FANCA: variants seen among roughly 807,000 people sequenced by gnomAD.
FANCA encodes FA complementation group A.
A neutral mutation model predicts 194.3 loss-of-function variants in FANCA; 236 were observed. That is an observed-to-expected ratio of 1.21 (90% CI 1.09 to 1.35). The LOEUF (loss-of-function observed/expected upper bound fraction) is 1.35, where lower values mean the gene tolerates loss of function less well. Ranked by LOEUF, FANCA falls within the 40% of genes most tolerant of loss-of-function variation. FANCA has a pLI of 0.00. For missense variants in FANCA, 2,628 were observed against 1,813.9 expected, an observed-to-expected ratio of 1.45 and a Z score of -8.15; for synonymous variants, 1,014 against 715.8, an observed-to-expected ratio of 1.42 and a Z score of -6.65.
intron 26 of FANCA, 97 bp from the exon 27 acceptor site, chr16:89,767,334 T>C (rs1336980872): frequency 6.9e-6 from 6 of 868,468 alleles, no homozygotes; most frequent in Non-Finnish European, 9.4e-6. Context: ...ATTTAGTGCA[T>C]TCCGAACTGG....
At chr16:89,752,117 T>C (rs778934346) in intron 31 of FANCA, 21 bp downstream of exon 31, 6 of 1,607,130 alleles carry the variant, frequency 3.7e-6, no homozygotes, top group Middle Eastern at 1.6e-4. Flanking sequence ...ATGCACTGAG[T>C]TGTGGCACCC....
At chr16:89,762,637 C>A in intron 28 of FANCA, 1 of 280,068 alleles carries the variant, frequency 3.6e-6, no homozygotes. Flanking sequence ...CAGTAGCATA[C>A]CTTCATTTAT....
At chr16:89,739,454 G>C (rs2062066444) in intron 40 of FANCA, 24 bp downstream of exon 40, 1 of 1,552,126 alleles carries the variant, frequency 6.4e-7, no homozygotes, top group Non-Finnish European at 8.7e-7. Flanking sequence ...GCCCAGCCCT[G>C]ACCAGCCCTG....
At chr16:89,761,875 T>C in intron 29 of FANCA, 74 bp downstream of exon 29, 1 of 1,214,820 alleles carries the variant, frequency 8.2e-7, no homozygotes, top group Non-Finnish European at 1.2e-6. Flanking sequence ...ATCTCCTGCC[T>C]CAGCCTCCCA....
chr16:89,756,922 C>A (rs1009609617), intron 30 of FANCA, among the ~76,000 whole-genome samples: 1 of 152,176 alleles, frequency 6.6e-6, no homozygotes, highest in South Asian at 2.1e-4. Context: ...TTGAAGTCAA[C>A]CCCTCAGGGA....
In FANCA at chr16:89,758,668, G is replaced by A; in HGVS notation, c.2890C>T (p.Leu964Phe). 2 of 1,614,082 alleles carry A rather than the reference G, an allele frequency of 1.2e-6. No individual in the cohort carries two copies. The highest frequency in any genetic ancestry group is 2.2e-5 in the East Asian group (1 of 44,880). ...FHQWAIHEHF[L>F]PESSASGGCD... ...CCCCCTGAAGCCGAGGACTCAGGGAGAAAGTGCTCATGGATCGCCCACTGG... is the reference window on the plus strand; with the variant it reads ...CCCCCTGAAGCCGAGGACTCAGGGAAAAAGTGCTCATGGATCGCCCACTGG... Residue 964 changes from leucine (L) to phenylalanine (F), a missense_variant, in exon 30 of 43, where the codon CTC becomes TTC. Physicochemically the swap from Leu to Phe is conservative, Grantham distance 22. Coordinates refer to ENST00000389301, the MANE Select transcript of FANCA (RefSeq NM_000135.4).
rs71137677 is a variant in FANCA, at chr16:89,812,646, C to CAAA, written c.284-1578_284-1576dup. On this transcript the variant is annotated intron_variant, in intron 3 of 42. Transcript: ENST00000389301. ...GGGTAACAAGAGCAATACTCCGTCT[C>CAAA]AAAAAAAAAAAAAAAAAAAAAAAAC... Among the ~76,000 whole-genome samples the CAAA allele has an allele frequency of 1.1e-3, 45 of 42,272 alleles. 2 individuals carry two copies. The highest frequency in any genetic ancestry group is 4.3e-3 in the East Asian group (6 of 1,406). The allele number at this position is 42,272 out of a possible 152,430, so 27.7% of individuals were successfully genotyped here. A position where few individuals can be genotyped will look rare whatever the true frequency, so the allele number is the denominator to read the frequency against.
At chr16:89,794,262 G>A (rs997894022) in intron 11 of FANCA, among the ~76,000 whole-genome samples, 1 of 151,778 alleles carries the variant, frequency 6.6e-6, no homozygotes, top group Non-Finnish European at 1.5e-5. Flanking sequence ...CTTTTAAACT[G>A]TCAGTAAGGT....
At chr16:89,740,122 C>T (rs754954329) in intron 38 of FANCA, 23 bp from the exon 39 acceptor site, 1 of 1,605,194 alleles carries the variant, frequency 6.2e-7, no homozygotes, top group South Asian at 1.1e-5. Flanking sequence ...GGAGACCAAC[C>T]CTGAGAATGG....
At chr16:89,801,275 C>T (rs1460343455) in intron 8 of FANCA, among the ~76,000 whole-genome samples, 3 of 143,366 alleles carry the variant, frequency 2.1e-5, no homozygotes, top group South Asian at 2.4e-4. Context: ...ACCCCGGAGG[C>T]GGAGCTTGCA....
intron 5 of FANCA, chr16:89,810,426 A>C (rs974602874): frequency 2.5e-6 from 1 of 393,934 alleles, no homozygotes. Flanking sequence ...ACTACCCTGG[A>C]AAATTCTCCA....
chr16:89,782,623 A>T (rs1027493057), intron 17 of FANCA, among the ~76,000 whole-genome samples: 19 of 152,288 alleles, frequency 1.2e-4, no homozygotes, highest in African/African-American at 4.6e-4. Flanking sequence ...AATGTCCTGC[A>T]GCCTGAGGCA....
At chr16:89,791,697 C>T in intron 13 of FANCA, 161 bp from the exon 14 acceptor site, 1 of 1,081,400 alleles carries the variant, frequency 9.2e-7, no homozygotes, top group Non-Finnish European at 1.4e-6. Context: ...CAAGTGCAAA[C>T]CACTAGAGAC....
intron 3 of FANCA, 25 bp downstream of exon 3, chr16:89,814,495 T>TA (rs1357057189): frequency 5.9e-6 from 9 of 1,514,450 alleles, no homozygotes; most frequent in Middle Eastern, 1.7e-4. Flanking sequence ...CAATTCAAAA[T>TA]AGAGAAAATG....
chr16:89,809,094 G>C (rs938107821), intron 5 of FANCA, among the ~76,000 whole-genome samples: 2 of 151,874 alleles, frequency 1.3e-5, no homozygotes, highest in Admixed American at 6.6e-5. Flanking sequence ...TTTTAGTAGA[G>C]ACGGGGTTTC....
intron 5 of FANCA, among the ~76,000 whole-genome samples, chr16:89,808,707 G>T (rs1233766363): frequency 6.6e-6 from 1 of 152,170 alleles, no homozygotes; most frequent in African/African-American, 2.4e-5. Flanking sequence ...CTCTCCTTCA[G>T]AAGCCTTCAC....
At chr16:89,800,628 A>T (rs2040413147) in intron 8 of FANCA, among the ~76,000 whole-genome samples, 1 of 152,238 alleles carries the variant, frequency 6.6e-6, no homozygotes. Context: ...AAAGCTATAG[A>T]ATATAGAAAT....
At chr16:89,776,159 C>CTTTT (rs3069458) in intron 20 of FANCA, among the ~76,000 whole-genome samples, 7 of 93,274 alleles carry the variant, frequency 7.5e-5, no homozygotes, top group Admixed American at 1.2e-4. Flanking sequence ...CTTTGTTTTT[C>CTTTT]TTTTTTTTTT....
At position 89,767,230 on chromosome 16, in the gene FANCA, T is replaced by C. The variant is rs2039160887; in HGVS notation, c.2512A>G (p.Thr838Ala). ...DSLFFCLKFCTAAISYSLCKF... is the reference protein window; with the variant it reads ...DSLFFCLKFCAAAISYSLCKF... ...CAGAGAGAGTAAGAAATTGCTGCTG[T>C]ACAAAATCTGAAAACAGAAATTATA... The change falls in exon 27 of 43, where the codon ACA becomes GCA. Residue 838 changes from threonine to alanine, a missense_variant. Physicochemically the swap from Thr to Ala is moderately conservative, Grantham distance 58 (BLOSUM62 0). Transcript: ENST00000389301. 6.2e-7 allele frequency: 1 copy of C among 1,610,194 alleles called. No individual in the cohort carries two copies.
Sources: gnomAD v4.1 joint callset for allele counts (sites outside exome capture counted in the v4.1 genomes callset) on GRCh38, gnomAD v4.1.1 for gene constraint, MANE v1.5 for transcripts, NCBI Gene and HGNC (gene_info 2026-07-23, HGNC 2026-07-21) for gene names.